The following THSD7B variants were observed in gnomAD, a reference collection of about 807,000 sequenced individuals.
THSD7B encodes the protein thrombospondin type 1 domain containing 7B, also known as thrombospondin type-1 domain-containing protein 7B.
Under a neutral mutation model 213.6 loss-of-function variants are expected in THSD7B, and 138 were observed. That is an observed-to-expected ratio of 0.65 (90% CI 0.56 to 0.74). The LOEUF (loss-of-function observed/expected upper bound fraction) is 0.74, where lower values mean the gene tolerates loss of function less well. Among genes scored for constraint, THSD7B ranks in the 30% least tolerant of loss-of-function variants. THSD7B has a pLI of 0.00. For synonymous variants in THSD7B, 742 were observed against 687.0 expected (o/e 1.08, Z -1.25); for missense variants, 1,931 against 1,991.5 (o/e 0.97, Z 0.58).
chr2:136,837,892 A>T (rs928503708), intron 1 of THSD7B, among the ~76,000 whole-genome samples: 5 of 152,234 alleles, frequency 3.3e-5, no homozygotes, highest in Admixed American at 2.0e-4. Flanking sequence ...TTTAAGAGGC[A>T]GTCAAAATGC....
intron 17 of THSD7B, among the ~76,000 whole-genome samples, chr2:137,577,307 C>G (rs1012032805): frequency 6.6e-6 from 1 of 152,180 alleles, no homozygotes; most frequent in South Asian, 2.1e-4. Flanking sequence ...TGCCTCATTT[C>G]GTGCATTGGA....
At position 137,281,700 on chromosome 2, in the gene THSD7B, A is replaced by G. The variant is rs551137702; in HGVS notation, c.2500+5674A>G. Among the ~76,000 whole-genome samples the G allele has an allele frequency of 7.0e-4, 106 of 152,176 alleles. No individual in the cohort carries two copies. In the Middle Eastern group the frequency reaches 0.01, roughly 15 times the overall value. On this transcript the variant is annotated intron_variant, in intron 12 of 27. Coordinates refer to ENST00000409968, the MANE Select transcript of THSD7B (RefSeq NM_001316349.2). ...TAGTTTGCTGAGAATGATGGTTTCC[A>G]GCTTCATCCATGTCCCGACAAAGGA...
At chr2:137,381,123 C>A (rs1382730351) in intron 12 of THSD7B, among the ~76,000 whole-genome samples, 3 of 152,190 alleles carry the variant, frequency 2.0e-5, no homozygotes, top group Non-Finnish European at 2.9e-5. Context: ...AGTGAGTGAG[C>A]CTTCAGTCCC....
At chr2:137,290,815 A>G (rs1379063666) in intron 12 of THSD7B, among the ~76,000 whole-genome samples, 1 of 152,128 alleles carries the variant, frequency 6.6e-6, no homozygotes, top group Non-Finnish European at 1.5e-5. Flanking sequence ...AGAGAGAATC[A>G]GGCTTGGAAT....
intron 17 of THSD7B, among the ~76,000 whole-genome samples, chr2:137,594,325 A>G (rs1681917993): frequency 6.6e-6 from 1 of 152,024 alleles, no homozygotes; most frequent in South Asian, 2.1e-4. Context: ...AAGATAATCC[A>G]TGGACAATTA....
intron 2 of THSD7B, among the ~76,000 whole-genome samples, chr2:137,035,468 A>T (rs1686758333): frequency 6.6e-6 from 1 of 152,130 alleles, no homozygotes; most frequent in Non-Finnish European, 1.5e-5. Context: ...GATATGTCAT[A>T]ACATTTTTTT....
chr2:137,093,207 C>A (rs1352732740), intron 3 of THSD7B, among the ~76,000 whole-genome samples: 1 of 152,160 alleles, frequency 6.6e-6, no homozygotes, highest in Non-Finnish European at 1.5e-5. Flanking sequence ...AATTTCTTAA[C>A]CTGTGACAGG....
rs1680728636 is a variant in THSD7B, at chr2:137,546,439, A to ATC, written c.3139-16781_3139-16780insCT. ...ATTATATATATTATATATATATTAT[A>ATC]TATATTATATATATATTATATATAA... On this transcript the variant is annotated intron_variant, in intron 15 of 27. Transcript: ENST00000409968. Among the ~76,000 whole-genome samples the ATC allele has an allele frequency of 1.6e-4, 5 of 30,798 alleles. 1 individual carries two copies. Among genetic ancestry groups the ATC allele is most frequent in the African/African-American group, 1.1e-3 (5 of 4,752 alleles). The allele number at this position is 30,798 out of a possible 152,430, so 20.2% of individuals were successfully genotyped here. A position where few individuals can be genotyped will look rare whatever the true frequency, so the allele number is the denominator to read the frequency against.
chr2:136,907,098 C>T (rs897567203), intron 2 of THSD7B, among the ~76,000 whole-genome samples: 2 of 151,768 alleles, frequency 1.3e-5, no homozygotes, highest in Non-Finnish European at 2.9e-5. Flanking sequence ...GCACTCGCCA[C>T]CATGCCTGGC....
intron 12 of THSD7B, among the ~76,000 whole-genome samples, chr2:137,325,514 T>C (rs1244657885): frequency 2.0e-5 from 3 of 152,014 alleles, no homozygotes; most frequent in African/African-American, 7.3e-5. Flanking sequence ...TCATGACCTG[T>C]AAAATAAAGA....
chr2:136,885,450 G>A (rs558982369), intron 2 of THSD7B, among the ~76,000 whole-genome samples: 34 of 152,274 alleles, frequency 2.2e-4, no homozygotes, highest in African/African-American at 7.5e-4. Context: ...GCTGTTAAAT[G>A]CCTATCATTA....
At chr2:137,141,883 G>A (rs1304825121) in intron 5 of THSD7B, among the ~76,000 whole-genome samples, 1 of 151,936 alleles carries the variant, frequency 6.6e-6, no homozygotes, top group East Asian at 1.9e-4. Flanking sequence ...TATCACCCTT[G>A]TCTCCTAAAC....
chr2:137,667,742 T>C, intron 26 of THSD7B, 32 bp from the exon 27 acceptor site: 1 of 1,557,948 alleles, frequency 6.4e-7, no homozygotes, highest in Non-Finnish European at 8.7e-7. Context: ...TTCTGTATGC[T>C]AAGCTTCTTA....
intron 15 of THSD7B, among the ~76,000 whole-genome samples, chr2:137,537,133 C>T (rs889804649): frequency 2.0e-5 from 3 of 151,736 alleles, no homozygotes; most frequent in Non-Finnish European, 4.4e-5. Flanking sequence ...AATTCCAATG[C>T]ATGGGCAGTC....
At chr2:136,785,235 C>A (rs968663114) in intron 1 of THSD7B, among the ~76,000 whole-genome samples, 44 of 152,304 alleles carry the variant, frequency 2.9e-4, no homozygotes, top group African/African-American at 9.6e-4. Flanking sequence ...GCCCTTCACA[C>A]TGCATCCTCT....
chr2:137,275,255 CCT>C (rs1682840547), intron 11 of THSD7B, among the ~76,000 whole-genome samples: 1 of 152,046 alleles, frequency 6.6e-6, no homozygotes, highest in Non-Finnish European at 1.5e-5. Flanking sequence ...CAGGTCCATT[CCT>C]CTTTCCTAAG....
chr2:136,890,366 T>TC (rs1683805090), intron 2 of THSD7B, among the ~76,000 whole-genome samples: 2 of 4,908 alleles, frequency 4.1e-4, no homozygotes, highest in African/African-American at 1.1e-3. Flanking sequence ...TTCTTCTTCT[T>TC]CTTCTTCTTC....
chr2:137,644,536 T>G (rs1340600824), intron 21 of THSD7B, among the ~76,000 whole-genome samples: 1 of 151,656 alleles, frequency 6.6e-6, no homozygotes, highest in Non-Finnish European at 1.5e-5. Context: ...CTAAGTTGAG[T>G]TTTTCCTGAC....
At chr2:136,783,990 G>A (rs1182590625) in intron 1 of THSD7B, among the ~76,000 whole-genome samples, 2 of 152,196 alleles carry the variant, frequency 1.3e-5, no homozygotes, top group East Asian at 3.9e-4. Flanking sequence ...TGTTAAAAGT[G>A]TGAAGCATAG....
Sources: allele counts gnomAD v4.1 joint callset (sites outside exome capture counted in the v4.1 genomes callset), GRCh38; gene constraint gnomAD v4.1.1; transcripts MANE v1.5; gene names NCBI Gene and HGNC (gene_info 2026-07-23, HGNC 2026-07-21).